The following RBPJL variants were observed in gnomAD, a reference collection of about 807,000 sequenced individuals.
The protein encoded by RBPJL is recombination signal binding protein for immunoglobulin kappa J region like.
A neutral mutation model predicts 57.6 loss-of-function variants in RBPJL; 50 were observed. That is an observed-to-expected ratio of 0.87 (90% CI 0.69 to 1.10). The LOEUF (loss-of-function observed/expected upper bound fraction) is 1.10, where lower values mean the gene tolerates loss of function less well. RBPJL is among the 50% of genes least tolerant of loss of function. The pLI, the probability that RBPJL is intolerant of heterozygous loss-of-function variation, is 0.00. For synonymous variants in RBPJL, 303 were observed against 294.4 expected (o/e 1.03, Z -0.30); for missense variants, 684 against 693.7 (o/e 0.99, Z 0.16).
rs1987488028 is a variant in RBPJL, at chr20:45,316,687, A to G, written c.1282A>G (p.Ser428Gly). The G allele has an allele frequency of 2.5e-6, 4 of 1,595,684 alleles. No individual in the cohort carries two copies. Among genetic ancestry groups the G allele is most frequent in the Non-Finnish European group, 2.6e-6 (3 of 1,170,652 alleles). Residue 428 changes from serine to glycine, a missense_variant and splice_region_variant, in exon 12 of 12, where the codon AGC (serine) becomes GGC (glycine). Physicochemically the swap from Ser to Gly is moderately conservative, Grantham distance 56 (BLOSUM62 0). Coordinates refer to ENST00000343694, the MANE Select transcript of RBPJL (RefSeq NM_014276.4). ...CTCACCCTGGTGCTCCACCCCCAGG[A>G]GCCCGCGGTCCCTGGTGTGCGTGGT... ...GDVEAETMYR[S>G]PRSLVCVVPD...
At chr20:45,315,676 G>A (rs1987413973) in intron 9 of RBPJL, among the ~76,000 whole-genome samples, 1 of 151,514 alleles carries the variant, frequency 6.6e-6, no homozygotes, top group Non-Finnish European at 1.5e-5. Flanking sequence ...GGGAGGCGGA[G>A]GTTGCAATGA....
chr20:45,317,455 G>C lies in RBPJL; in HGVS notation c.*496G>C, dbSNP rs1280606667. The C allele has an allele frequency of 6.4e-6, 1 of 155,864 alleles. No homozygotes were observed. Among genetic ancestry groups the C allele is most frequent in the Non-Finnish European group, 1.4e-5 (1 of 70,830 alleles). 9.7% of individuals were successfully genotyped at this position (155,864 alleles called of 1,614,324 possible). A position where few individuals can be genotyped will look rare whatever the true frequency, so the allele number is the denominator to read the frequency against. On this transcript the variant is annotated 3_prime_UTR_variant, in exon 12 of 12. Coordinates refer to ENST00000343694, the MANE Select transcript of RBPJL (RefSeq NM_014276.4). ...TCCAGGCATAGGGGGCAAGCTCTTG[G>C]GGCATCAGGACCCTGGAGCACCAGG...
In RBPJL at chr20:45,314,417, T is replaced by G; in HGVS notation, c.872T>G (p.Ile291Ser). 1.2e-6 allele frequency: 2 copies of G among 1,613,088 alleles called. No individual in the cohort carries two copies. Among genetic ancestry groups the G allele is most frequent in the Non-Finnish European group, 1.7e-6 (2 of 1,179,184 alleles). ...CTTACCATCCTTCCATTGCAGATCATCCGTAAAGTAGCAAAACAGTGTGCG... is the reference window on the plus strand; with the variant it reads ...CTTACCATCCTTCCATTGCAGATCAGCCGTAAAGTAGCAAAACAGTGTGCG... ...VTGITLPPMI[I>S]RKVAKQCALL... The change falls in exon 9 of 12, where the codon ATC becomes AGC. Residue 291 changes from isoleucine to serine, a missense_variant. Physicochemically the swap from Ile to Ser is moderately radical, Grantham distance 142 (BLOSUM62 -2). Transcript: ENST00000343694.
Position 45,316,891 on chromosome 20 carries a change from G to A in RBPJL, c.1486G>A (p.Asp496Asn). The change falls in exon 12 of 12, where the codon GAC (aspartate) becomes AAC (asparagine). Residue 496 changes from aspartate (D) to asparagine (N), a missense_variant. Asp to Asn is a conservative substitution (Grantham distance 23). Coordinates refer to ENST00000343694, the MANE Select transcript of RBPJL (RefSeq NM_014276.4). ...CGTCCCCGAGCCCGCCACCGACGCC[G>A]ACGCGCTCCTGGAGAGCATCCATCA... ...PGVPEPATDA[D>N]ALLESIHQEF... The A allele has an allele frequency of 6.2e-7, 1 of 1,613,678 alleles. No individual in the cohort carries two copies. Among genetic ancestry groups the A allele is most frequent in the East Asian group, 2.2e-5 (1 of 44,868 alleles).
Position 45,314,145 on chromosome 20 carries a change from G to A in RBPJL, c.867+1G>A. 1.2e-6 allele frequency: 2 copies of A among 1,608,314 alleles called. No individual in the cohort carries two copies. The highest frequency in any genetic ancestry group is 2.2e-5 in the East Asian group (1 of 44,854). ...CACCGGCATCACACTACCTCCCATG[G>A]TATAGGAAGGGAGGGCATGCCTGGA... On this transcript the variant is annotated splice_donor_variant, in intron 8 of 11. Coordinates refer to ENST00000343694, the MANE Select transcript of RBPJL (RefSeq NM_014276.4). LOFTEE classifies it high-confidence loss of function.
chr20:45,317,429 A>C lies in RBPJL; in HGVS notation c.*470A>C. ...GAAGAGAAAACACACAGCTTCACACATCCAGGCATAGGGGGCAAGCTCTTG... is the reference window on the plus strand; with the variant it reads ...GAAGAGAAAACACACAGCTTCACACCTCCAGGCATAGGGGGCAAGCTCTTG... On this transcript the variant is annotated 3_prime_UTR_variant, in exon 12 of 12. Coordinates refer to ENST00000343694, the MANE Select transcript of RBPJL (RefSeq NM_014276.4). The C allele has an allele frequency of 6.3e-6, 1 of 158,898 alleles. No homozygotes were observed. The highest frequency in any genetic ancestry group is 1.4e-5 in the Non-Finnish European group (1 of 72,826). The allele number at this position is 158,898 out of a possible 1,614,324, so 9.8% of individuals were successfully genotyped here. A position where few individuals can be genotyped will look rare whatever the true frequency, so the allele number is the denominator to read the frequency against.
In RBPJL at chr20:45,309,611, G is replaced by C. The variant is rs1987040213; in HGVS notation, c.176G>C (p.Arg59Thr). 1.2e-6 allele frequency: 2 copies of C among 1,613,362 alleles called. No individual in the cohort carries two copies. ...HTTILRGGVR[R>T]CLQQQCEQTV... Reference sequence around the variant, plus strand: ...ACCATTCTGAGGGGAGGCGTGCGCAGGTGCCTGCAGCAACAGTGTGAACAG... The same window carrying C: ...ACCATTCTGAGGGGAGGCGTGCGCACGTGCCTGCAGCAACAGTGTGAACAG... Residue 59 changes from arginine to threonine, a missense_variant, in exon 3 of 12, where the codon AGG (arginine) becomes ACG (threonine). Arg to Thr is a moderately conservative substitution (Grantham distance 71). Coordinates refer to ENST00000343694, the MANE Select transcript of RBPJL (RefSeq NM_014276.4).
In RBPJL at chr20:45,317,222, CTG is replaced by C; in HGVS notation, c.*265_*266del. The C allele has an allele frequency of 1.8e-6, 1 of 558,188 alleles. No individual in the cohort carries two copies. Among genetic ancestry groups the C allele is most frequent in the Middle Eastern group, 4.7e-4 (1 of 2,138 alleles). The allele number at this position is 558,188 out of a possible 1,614,324, so 34.6% of individuals were successfully genotyped here. A position where few individuals can be genotyped will look rare whatever the true frequency, so the allele number is the denominator to read the frequency against. On this transcript the variant is annotated 3_prime_UTR_variant, in exon 12 of 12. Transcript: ENST00000343694. ...CTCCCTGTCTTCATTTCTTCTCACTCTGTCTCTAAACCTCTCTCTCTCTCCCT... is the reference window on the plus strand; with the variant it reads ...CTCCCTGTCTTCATTTCTTCTCACTCTCTCTAAACCTCTCTCTCTCTCCCT...
chr20:45,310,909 T>G (rs1283946463), intron 3 of RBPJL, among the ~76,000 whole-genome samples: 1 of 152,046 alleles, frequency 6.6e-6, no homozygotes, highest in Non-Finnish European at 1.5e-5. Flanking sequence ...GCCCAGAAGT[T>G]CCAGACCTGC....
chr20:45,308,086 C>A, intron 1 of RBPJL, 57 bp from the exon 2 acceptor site: 1 of 1,249,976 alleles, frequency 8.0e-7, no homozygotes, highest in Non-Finnish European at 1.2e-6. Context: ...GCACCCTAGG[C>A]AGCGTCTCTG....
intron 9 of RBPJL, chr20:45,315,828 AAGAG>A (rs35507339): frequency 0.17 from 32,970 of 193,896 alleles, 3,277 homozygotes; most frequent in Middle Eastern, 0.26. Context: ...AAAGAAAAGA[AAGAG>A]AAAGAAAAGA....
Position 45,312,361 on chromosome 20 carries a change from CTCGCAGAAGAAGCAG to C in RBPJL, c.590_604del (p.Gln197_Ser201del). 6.2e-7 allele frequency: 1 copy of C among 1,614,158 alleles called. No individual in the cohort carries two copies. The highest frequency in any genetic ancestry group is 1.7e-5 in the Admixed American group (1 of 60,038). ...GCCTTATCAAGGTCATCTCGAAGCC[CTCGCAGAAGAAGCAG>C]TCGCTGAAAAACACCGATCGTGAGC... On this transcript the variant is annotated inframe_deletion, in exon 6 of 12. Transcript: ENST00000343694.
At chr20:45,314,821 G>A (rs932942790) in intron 9 of RBPJL, among the ~76,000 whole-genome samples, 12 of 152,232 alleles carry the variant, frequency 7.9e-5, no homozygotes, top group African/African-American at 2.9e-4. Context: ...GGTGGCTCAT[G>A]CCTGTAATCC....
intron 3 of RBPJL, among the ~76,000 whole-genome samples, chr20:45,310,639 C>G (rs1202038209): frequency 1.3e-5 from 2 of 151,838 alleles, no homozygotes; most frequent in Non-Finnish European, 2.9e-5. Context: ...ATGGGAAGAC[C>G]TTGAGGCTGT....
chr20:45,312,467 G>A (rs1987233739), intron 6 of RBPJL, 72 bp downstream of exon 6: 3 of 1,477,988 alleles, frequency 2.0e-6, no homozygotes. Context: ...CTAAACTGGG[G>A]CGCGGAGGTG....
chr20:45,307,423 G>A (rs1346003122), intron 1 of RBPJL, among the ~76,000 whole-genome samples: 1 of 152,168 alleles, frequency 6.6e-6, no homozygotes, highest in African/African-American at 2.4e-5. Context: ...GTCGTGGGAG[G>A]GTGACCAAGC....
In RBPJL at chr20:45,311,881, T is replaced by TG; in HGVS notation, c.374dup (p.Leu126ThrfsTer10). 1 of 1,551,722 alleles carries TG rather than the reference T, an allele frequency of 6.4e-7. No individual in the cohort carries two copies. ...ACGGGGCCCACGGTCTGCGGTTACA[T>TG]GGGACTGGACAGCGCGTCCGGCAGC... On this transcript the variant is annotated frameshift_variant, in exon 5 of 12. Transcript: ENST00000343694. LOFTEE classifies it high-confidence loss of function.
chr20:45,313,411 C>T, intron 6 of RBPJL, 57 bp from the exon 7 acceptor site: 1 of 1,450,178 alleles, frequency 6.9e-7, no homozygotes, highest in Non-Finnish European at 9.4e-7. Flanking sequence ...TAACCCTATC[C>T]CCTCACCCTA....
intron 5 of RBPJL, 25 bp downstream of exon 5, chr20:45,311,979 G>A (rs773379875): frequency 3.3e-6 from 5 of 1,515,318 alleles, no homozygotes; most frequent in Non-Finnish European, 4.5e-6. Flanking sequence ...GAAGGGGTCC[G>A]ATTCCTGCTC....
Sources: gnomAD v4.1 joint callset for allele counts (sites outside exome capture counted in the v4.1 genomes callset) on GRCh38, gnomAD v4.1.1 for gene constraint, MANE v1.5 for transcripts, NCBI Gene and HGNC (gene_info 2026-07-23, HGNC 2026-07-21) for gene names.